LRP1B: variants seen among roughly 807,000 people sequenced by gnomAD.
The protein encoded by LRP1B is low-density lipoprotein receptor-related protein 1B.
Under a neutral mutation model 556.6 loss-of-function variants are expected in LRP1B, and 217 were observed. The ratio of observed to expected loss-of-function variants is 0.39; its 90% CI spans 0.35 to 0.44. The LOEUF (loss-of-function observed/expected upper bound fraction) is 0.44, where lower values mean the gene tolerates loss of function less well. Among genes scored for constraint, LRP1B ranks in the 20% least tolerant of loss-of-function variants. The pLI, the probability that LRP1B is intolerant of heterozygous loss-of-function variation, is 1.00. For synonymous variants in LRP1B, 2,047 were observed against 1,865.8 expected (o/e 1.10, Z -2.50); for missense variants, 5,053 against 5,620.8 (o/e 0.90, Z 3.23).
intron 25 of LRP1B, among the ~76,000 whole-genome samples, chr2:140,872,550 C>T (rs1365759087): frequency 6.6e-6 from 1 of 151,540 alleles, no homozygotes; most frequent in Admixed American, 6.6e-5. Context: ...ACCCAGGATT[C>T]AGTGTGGTCT....
In LRP1B at chr2:141,229,239, G is replaced by C. The variant is rs777166853; in HGVS notation, c.794C>G (p.Thr265Arg). The C allele has an allele frequency of 2.5e-6, 4 of 1,612,464 alleles. No homozygotes were observed. In the Middle Eastern group the frequency reaches 5.0e-4, roughly 200 times the overall value. Reference protein sequence around the residue: ...SSNQLKCIQITKAGGLTDEWT... With the variant: ...SSNQLKCIQIRKAGGLTDEWT... ...TTCATCTGTTAATCCTCCTGCTTTT[G>C]TTATCTGGATACATTTGAGTTGATT... Residue 265 changes from threonine (T) to arginine (R), a missense_variant, in exon 6 of 91, where the codon ACA becomes AGA. Around this residue, in one of 5 missense-constraint regions of LRP1B, gnomAD observed 3,619 missense variants for 3,931.9 expected, o/e 0.92. Transcript: ENST00000389484.
intron 9 of LRP1B, among the ~76,000 whole-genome samples, chr2:141,057,002 A>C (rs746112605): frequency 1.3e-5 from 2 of 151,810 alleles, no homozygotes; most frequent in Non-Finnish European, 2.9e-5. Context: ...TCCACCTCTA[A>C]TGTATCAGAA....
intron 32 of LRP1B, among the ~76,000 whole-genome samples, chr2:140,805,178 G>A (rs1455222198): frequency 6.6e-6 from 1 of 152,096 alleles, no homozygotes; most frequent in Non-Finnish European, 1.5e-5. Flanking sequence ...GATCCCCATA[G>A]TAGCCAAAAT....
chr2:141,617,608 G>T (rs760116202), intron 2 of LRP1B, among the ~76,000 whole-genome samples: 3 of 152,066 alleles, frequency 2.0e-5, no homozygotes, highest in African/African-American at 4.8e-5. Context: ...AAGAGAATAT[G>T]CATTTTTCTC....
chr2:140,797,932 C>T (rs1690374790), intron 32 of LRP1B, among the ~76,000 whole-genome samples: 2 of 152,276 alleles, frequency 1.3e-5, no homozygotes, highest in South Asian at 2.1e-4. Context: ...CTCCGGACTT[C>T]CTTCAGATTT....
At chr2:140,711,980 G>A (rs1687045610) in intron 37 of LRP1B, among the ~76,000 whole-genome samples, 1 of 152,232 alleles carries the variant, frequency 6.6e-6, no homozygotes, top group South Asian at 2.1e-4. Context: ...ATGTCTAAGT[G>A]GGGATTCCAA....
chr2:141,009,962 A>T (rs1697694579), intron 14 of LRP1B, among the ~76,000 whole-genome samples: 1 of 152,148 alleles, frequency 6.6e-6, no homozygotes, highest in Non-Finnish European at 1.5e-5. Flanking sequence ...TTGAGGGCCA[A>T]TGGCTATGTC....
chr2:140,963,992 G>A (rs1448521616), intron 18 of LRP1B, among the ~76,000 whole-genome samples: 1 of 152,098 alleles, frequency 6.6e-6, no homozygotes, highest in African/African-American at 2.4e-5. Flanking sequence ...CGCGGAGACC[G>A]GTAGTGGCCC....
intron 37 of LRP1B, among the ~76,000 whole-genome samples, chr2:140,714,651 T>A (rs1429392243): frequency 1.3e-5 from 2 of 152,250 alleles, no homozygotes; most frequent in East Asian, 3.9e-4. Context: ...TTCCAGTGTA[T>A]CTATGGGATT....
At chr2:141,425,068 C>T (rs180797964) in intron 3 of LRP1B, among the ~76,000 whole-genome samples, 1 of 144,502 alleles carries the variant, frequency 6.9e-6, no homozygotes, top group Non-Finnish European at 1.5e-5. Context: ...ATCCCTCCCC[C>T]GTCCCCCAAC....
intron 7 of LRP1B, among the ~76,000 whole-genome samples, chr2:141,100,081 C>T (rs1311652872): frequency 6.6e-6 from 1 of 152,112 alleles, no homozygotes; most frequent in Non-Finnish European, 1.5e-5. Flanking sequence ...ATCTCTTATC[C>T]TGGATTTTAT....
At chr2:140,658,598 T>C (rs1684970694) in intron 41 of LRP1B, among the ~76,000 whole-genome samples, 1 of 152,108 alleles carries the variant, frequency 6.6e-6, no homozygotes, top group East Asian at 1.9e-4. Context: ...TTTTTTCTTT[T>C]AAATTTGAAA....
intron 2 of LRP1B, among the ~76,000 whole-genome samples, chr2:141,592,337 T>C (rs181060191): frequency 2.5e-4 from 38 of 152,230 alleles, no homozygotes; most frequent in South Asian, 8.3e-4. Context: ...ACCAACAGAT[T>C]TGATGTCTGG....
chr2:140,338,092 A>G (rs1208519587), intron 77 of LRP1B, among the ~76,000 whole-genome samples: 2 of 151,706 alleles, frequency 1.3e-5, no homozygotes, highest in Non-Finnish European at 2.9e-5. Context: ...ACTTTTCATG[A>G]TAAGTACAAG....
At chr2:141,173,606 G>T (rs938122142) in intron 7 of LRP1B, among the ~76,000 whole-genome samples, 1 of 152,082 alleles carries the variant, frequency 6.6e-6, no homozygotes, top group African/African-American at 2.4e-5. Context: ...GTGGGGCTAA[G>T]TTTCTCACTT....
chr2:141,555,168 A>T (rs905887232), intron 2 of LRP1B, among the ~76,000 whole-genome samples: 5 of 151,976 alleles, frequency 3.3e-5, no homozygotes, highest in Non-Finnish European at 7.4e-5. Context: ...TGCTAAAGGA[A>T]ATATATGTAA....
intron 2 of LRP1B, among the ~76,000 whole-genome samples, chr2:141,497,576 C>T (rs1683552665): frequency 6.6e-6 from 1 of 151,990 alleles, no homozygotes; most frequent in African/African-American, 2.4e-5. Flanking sequence ...ATAAAGAAAT[C>T]AGGCGATGAT....
chr2:141,878,194 T>C (rs1200257825), intron 1 of LRP1B, among the ~76,000 whole-genome samples: 1 of 151,908 alleles, frequency 6.6e-6, no homozygotes, highest in Non-Finnish European at 1.5e-5. Flanking sequence ...AGGCTAGAGC[T>C]ATAGAGCACA....
chr2:141,877,208 C>T (rs1698794342), intron 1 of LRP1B, among the ~76,000 whole-genome samples: 1 of 151,462 alleles, frequency 6.6e-6, no homozygotes, highest in African/African-American at 2.4e-5. Flanking sequence ...GTTTTTTTTC[C>T]TATAAAGAAT....
Sources: gnomAD v4.1 joint callset for allele counts (sites outside exome capture counted in the v4.1 genomes callset) on GRCh38, gnomAD v4.1.1 for gene constraint, gnomAD v4.1.1 regional missense constraint, MANE v1.5 for transcripts, NCBI Gene and HGNC (gene_info 2026-07-23, HGNC 2026-07-21) for gene names.